DRD4: variants seen among roughly 807,000 people sequenced by gnomAD.
DRD4 encodes the protein dopamine receptor D4.
In DRD4, 26 loss-of-function variants were observed where a neutral mutation model predicts 22.1. The observed-to-expected ratio is 1.17, with a 90% confidence interval of 0.86 to 1.63. DRD4 has a LOEUF of 1.63. Among genes scored for constraint, DRD4 ranks in the 40% most tolerant of loss-of-function variants. The pLI, the probability that DRD4 is intolerant of heterozygous loss-of-function variation, is 0.00. For missense variants in DRD4, 913 were observed against 632.4 expected (o/e 1.44, Z -4.76); for synonymous variants, 455 against 306.7 (o/e 1.48, Z -5.05).
intron 1 of DRD4, among the ~76,000 whole-genome samples, chr11:637,828 T>G (rs1858098999): frequency 6.6e-6 from 1 of 152,230 alleles, no homozygotes; most frequent in Non-Finnish European, 1.5e-5. Flanking sequence ...CCCGTCTGTC[T>G]TGGCGTCTGT....
At chr11:637,816 TCC>T (rs1858098666) in intron 1 of DRD4, among the ~76,000 whole-genome samples, 1 of 152,170 alleles carries the variant, frequency 6.6e-6, no homozygotes, top group Non-Finnish European at 1.5e-5. Flanking sequence ...CTCTTCTCCT[TCC>T]CCGTCTGTCT....
At chr11:639,384 G>C (rs1218790988) in intron 1 of DRD4, 49 bp from the exon 2 acceptor site, 15 of 1,518,250 alleles carry the variant, frequency 9.9e-6, no homozygotes, top group Non-Finnish European at 1.3e-5. Context: ...CGGGTCACAA[G>C]GGCCCGCGGT....
chr11:637,665 C>T, intron 1 of DRD4, 76 bp downstream of exon 1: 5 of 1,531,906 alleles, frequency 3.3e-6, no homozygotes, highest in African/African-American at 1.4e-5. Context: ...GAGGACCCGG[C>T]GCGACCCGGC....
rs778885824 is a variant in DRD4 at position 639,458 on chromosome 11, G to GC, written c.316dup (p.Arg106ProfsTer344). On this transcript the variant is annotated frameshift_variant, in exon 2 of 4. Coordinates refer to ENST00000176183, the MANE Select transcript of DRD4 (RefSeq NM_000797.4). LOFTEE classifies it high-confidence loss of function. ...GTCCAGGGTGGCGCGTGGCTGCTGA[G>GC]CCCCCGCCTGTGCGACGCCCTCATG... is the stretch of plus-strand genomic sequence containing the variant. The GC allele has an allele frequency of 6.3e-7, 1 of 1,597,802 alleles. No individual in the cohort carries two copies. The highest frequency in any genetic ancestry group is 8.5e-7 in the Non-Finnish European group (1 of 1,177,746).
rs1858081699 is a variant in DRD4 at position 637,357 on chromosome 11, CGGCCGCG to C, written c.56_62del (p.Ala19GlyfsTer37). Reference sequence around the variant, plus strand: ...GACGGGCTGCTGGCTGGGCGCGGGCCGGCCGCGGGGGCATCTGCGGGGGCATCTGCGG... The same window carrying C: ...GACGGGCTGCTGGCTGGGCGCGGGCCGGGGCATCTGCGGGGGCATCTGCGG... On this transcript the variant is annotated frameshift_variant, in exon 1 of 4. Coordinates refer to ENST00000176183, the MANE Select transcript of DRD4 (RefSeq NM_000797.4). LOFTEE classifies it high-confidence loss of function. 3 of 1,296,028 alleles carry C rather than the reference CGGCCGCG, an allele frequency of 2.3e-6. No homozygotes were observed. The highest frequency in any genetic ancestry group is 1.6e-5 in the African/African-American group (1 of 63,600). The allele number at this position is 1,296,028 out of a possible 1,614,324, so 80.3% of individuals were successfully genotyped here.
chr11:637,641 TC>T (rs986682812), intron 1 of DRD4, 52 bp downstream of exon 1: 1 of 1,535,360 alleles, frequency 6.5e-7, no homozygotes, highest in African/African-American at 1.4e-5. Flanking sequence ...CGGTTCCCCG[TC>T]CCTGTCCCTA....
rs1858188857 is a variant in DRD4 at position 640,112 on chromosome 11, ACCCCTGCGGCCCCGACTGTGCGC to A, written c.868_890del (p.Cys290ArgfsTer152). ...CCCGCCGCGCCCAGCCTCCCCCAGGACCCCTGCGGCCCCGACTGTGCGCCCCCCGCGCCCGGCCTCCCCCCGGA... is the reference window on the plus strand; with the variant it reads ...CCCGCCGCGCCCAGCCTCCCCCAGGACCCCCGCGCCCGGCCTCCCCCCGGA... On this transcript the variant is annotated frameshift_variant, in exon 3 of 4. Transcript: ENST00000176183. LOFTEE classifies it high-confidence loss of function. 1 of 1,312,552 alleles carries A rather than the reference ACCCCTGCGGCCCCGACTGTGCGC, an allele frequency of 7.6e-7. No homozygotes were observed. The highest frequency in any genetic ancestry group is 1.8e-5 in the African/African-American group (1 of 54,104). 81.3% of individuals were successfully genotyped at this position (1,312,552 alleles called of 1,614,324 possible).
At position 637,322 on chromosome 11, in the gene DRD4, C is replaced by G; in HGVS notation, c.18C>G (p.Thr6=). ...GGCGCGCCATGGGGAACCGCAGCACCGCGGACGCGGACGGGCTGCTGGCTG... is the reference window on the plus strand; with the variant it reads ...GGCGCGCCATGGGGAACCGCAGCACGGCGGACGCGGACGGGCTGCTGGCTG... The part of the protein sequence containing the change: MGNRS[T]ADADGLLAGR... The change falls in exon 1 of 4, where the codon ACC becomes ACG. Residue 6 remains threonine (T), a synonymous_variant. Coordinates refer to ENST00000176183, the MANE Select transcript of DRD4 (RefSeq NM_000797.4). The G allele has an allele frequency of 4.0e-6, 5 of 1,250,164 alleles. No homozygotes were observed. Among genetic ancestry groups the G allele is most frequent in the Non-Finnish European group, 5.0e-6 (5 of 1,001,432 alleles). The allele number at this position is 1,250,164 out of a possible 1,614,324, so 77.4% of individuals were successfully genotyped here. A position where few individuals can be genotyped will look rare whatever the true frequency, so the allele number is the denominator to read the frequency against.
chr11:637,295 CG>C lies in DRD4; in HGVS notation c.-7del. 8.4e-7 allele frequency: 1 copy of C among 1,197,474 alleles called. No individual in the cohort carries two copies. The highest frequency in any genetic ancestry group is 3.6e-5 in the South Asian group (1 of 27,494). 74.2% of individuals were successfully genotyped at this position (1,197,474 alleles called of 1,614,324 possible). On this transcript the variant is annotated 5_prime_UTR_variant, in exon 1 of 4. Coordinates refer to ENST00000176183, the MANE Select transcript of DRD4 (RefSeq NM_000797.4). ...TTGTCCGCGGTGCTCAGCGCCCGCC[CG>C]GGCGCGCCATGGGGAACCGCAGCAC...
rs956929710 is a variant in DRD4, at chr11:637,275, C to T, written c.-30C>T. On this transcript the variant is annotated 5_prime_UTR_variant, in exon 1 of 4. Coordinates refer to ENST00000176183, the MANE Select transcript of DRD4 (RefSeq NM_000797.4). The stretch of plus-strand genomic sequence containing the variant: ...CCCCGGCTTGCGACCCGGCGTTGTC[C>T]GCGGTGCTCAGCGCCCGCCCGGGCG... 24 of 1,177,758 alleles carry T rather than the reference C, an allele frequency of 2.0e-5. No homozygotes were observed. The Admixed American group carries it at 5.5e-4, about 27-fold the overall frequency. 73.0% of individuals were successfully genotyped at this position (1,177,758 alleles called of 1,614,324 possible).
chr11:639,900 C>T lies in DRD4; in HGVS notation c.651C>T (p.Arg217=). ...TGCTGCTCTACTGGGCCACGTTCCG[C>T]GGCCTGCAGCGCTGGGAGGTGGCAC... ...LMLLLYWATF[R]GLQRWEVARR... Residue 217 remains arginine, a synonymous_variant, in exon 3 of 4, where the codon CGC becomes CGT. Coordinates refer to ENST00000176183, the MANE Select transcript of DRD4 (RefSeq NM_000797.4). The T allele has an allele frequency of 6.4e-7, 1 of 1,559,852 alleles. No homozygotes were observed. Among genetic ancestry groups the T allele is most frequent in the Non-Finnish European group, 8.6e-7 (1 of 1,159,388 alleles).
At chr11:640,370 G>A (rs12720413) in intron 3 of DRD4, 31 bp from the exon 4 acceptor site, 7 of 1,589,778 alleles carry the variant, frequency 4.4e-6, no homozygotes, top group African/African-American at 4.0e-5. Context: ...GGCTGGGCGG[G>A]GGGCGCTAAC....
At chr11:638,745 G>T (rs1395184606) in intron 1 of DRD4, among the ~76,000 whole-genome samples, 1 of 152,102 alleles carries the variant, frequency 6.6e-6, no homozygotes, top group Non-Finnish European at 1.5e-5. Flanking sequence ...CTTTGAGCCC[G>T]ATGATATCAG....
chr11:639,323 C>G (rs1858142968), intron 1 of DRD4, 110 bp from the exon 2 acceptor site: 1 of 1,028,202 alleles, frequency 9.7e-7, no homozygotes, highest in African/African-American at 1.6e-5. Flanking sequence ...TGGCTCACAG[C>G]CGGGCCCCCT....
chr11:638,559 TTTATCTTCAAGACAA>T (rs1181208632), intron 1 of DRD4, among the ~76,000 whole-genome samples: 1 of 152,212 alleles, frequency 6.6e-6, no homozygotes, highest in Non-Finnish European at 1.5e-5. Context: ...TTAATTATAA[TTTATCTTCAAGACAA>T]TTATGATGTG....
chr11:639,145 C>T, intron 1 of DRD4: 2 of 473,068 alleles, frequency 4.2e-6, no homozygotes, highest in Non-Finnish European at 7.8e-6. Context: ...ATCCCAGCTA[C>T]TCTGGAGACT....
At chr11:639,409 A>AG in intron 1 of DRD4, 24 bp from the exon 2 acceptor site, 1 of 1,569,570 alleles carries the variant, frequency 6.4e-7, no homozygotes, top group South Asian at 1.2e-5. Flanking sequence ...GGGAAACCTC[A>AG]GGGCCTGTGG....
At position 640,560 on chromosome 11, in the gene DRD4, A is replaced by C; in HGVS notation, c.1217A>C (p.Glu406Ala). 10 of 1,599,996 alleles carry C rather than the reference A, an allele frequency of 6.3e-6. No homozygotes were observed. Among genetic ancestry groups the C allele is most frequent in the Non-Finnish European group, 8.5e-6 (10 of 1,179,762 alleles). ...NPVIYTVFNA[E>A]FRNVFRKALR... ...GTCATCTACACTGTCTTCAACGCCG[A>C]GTTCCGCAACGTCTTCCGCAAGGCC... Residue 406 changes from glutamate (E) to alanine (A), a missense_variant, in exon 4 of 4, where the codon GAG becomes GCG. Physicochemically the swap from Glu to Ala is moderately radical, Grantham distance 107. Transcript: ENST00000176183.
Position 639,692 on chromosome 11 carries a change from G to T in DRD4, c.443G>T (p.Gly148Val), listed in dbSNP as rs1369433117. 2 of 1,479,254 alleles carry T rather than the reference G, an allele frequency of 1.4e-6. No homozygotes were observed. The highest frequency in any genetic ancestry group is 2.9e-5 in the East Asian group (1 of 35,048). 91.6% of individuals were successfully genotyped at this position (1,479,254 alleles called of 1,614,324 possible). ...CCGCTGCGCTACAACCGGCAGGGTG[G>T]GAGCCGCCGGCAGCTGCTGCTCATC... is the stretch of plus-strand genomic sequence containing the variant. ...AVPLRYNRQG[G>V]SRRQLLLIGA... Residue 148 changes from glycine (G) to valine (V), a missense_variant, in exon 3 of 4, where the codon GGG (glycine) becomes GTG (valine). Physicochemically the swap from Gly to Val is moderately radical, Grantham distance 109. Coordinates refer to ENST00000176183, the MANE Select transcript of DRD4 (RefSeq NM_000797.4).
Sources: gnomAD v4.1 joint callset for allele counts (sites outside exome capture counted in the v4.1 genomes callset) on GRCh38, gnomAD v4.1.1 for gene constraint, MANE v1.5 for transcripts, NCBI Gene and HGNC (gene_info 2026-07-23, HGNC 2026-07-21) for gene names.